Variants in TEX36 observed in about 807,000 individuals in gnomAD.
TEX36 encodes the protein testis expressed 36.
TEX36 carries 12 observed loss-of-function variants against 13.6 expected under a neutral mutation model. That is an observed-to-expected ratio of 0.88 (90% CI 0.56 to 1.43). The LOEUF (loss-of-function observed/expected upper bound fraction) is 1.43, where lower values mean the gene tolerates loss of function less well. TEX36 is among the 40% of genes most tolerant of loss of function. The pLI, the probability that TEX36 is intolerant of heterozygous loss-of-function variation, is 0.00. For synonymous variants in TEX36, 93 were observed against 83.0 expected, an observed-to-expected ratio of 1.12 and a Z score of -0.65; for missense variants, 224 against 228.3, an observed-to-expected ratio of 0.98 and a Z score of 0.12.
At chr10:125,627,703 G>A (rs964495208) in intron 3 of TEX36, among the ~76,000 whole-genome samples, 3 of 152,120 alleles carry the variant, frequency 2.0e-5, no homozygotes, top group Non-Finnish European at 4.4e-5. Flanking sequence ...TAATGCCATC[G>A]CATTGTACAA....
At position 125,640,497 on chromosome 10, in the gene TEX36, G is replaced by C. The variant is rs1004818963; in HGVS notation, c.265-18852C>G. On this transcript the variant is annotated intron_variant, in intron 3 of 3. Coordinates refer to the TEX36 transcript ENST00000526819. Reference sequence around the variant, plus strand: ...GGGTTGATTTGTTGTTTAATATTTGGGGGGATTATTTTGGTATAGCCATAA... The same window carrying C: ...GGGTTGATTTGTTGTTTAATATTTGCGGGGATTATTTTGGTATAGCCATAA... Among the ~76,000 whole-genome samples, 7 of 152,196 alleles carry C rather than the reference G, an allele frequency of 4.6e-5. No homozygotes were observed. The East Asian group carries it at 7.7e-4, about 17-fold the overall frequency.
At chr10:125,589,703 G>A (rs1486899087) in intron 3 of TEX36, among the ~76,000 whole-genome samples, 1 of 152,092 alleles carries the variant, frequency 6.6e-6, no homozygotes, top group African/African-American at 2.4e-5. Flanking sequence ...GCATTCCTGG[G>A]ATAGTGCAAG....
chr10:125,618,894 C>T (rs937267445), downstream of TEX36, among the ~76,000 whole-genome samples: 10 of 134,012 alleles, frequency 7.5e-5, no homozygotes, highest in African/African-American at 2.6e-4. Context: ...ATCACTAGGT[C>T]AGGAGATCGA....
intron 3 of TEX36, among the ~76,000 whole-genome samples, chr10:125,637,335 C>G (rs1377199716): frequency 6.6e-6 from 1 of 151,640 alleles, no homozygotes; most frequent in African/African-American, 2.4e-5. Flanking sequence ...TATAATTATG[C>G]AGTGTGTCTT....
intron 3 of TEX36, among the ~76,000 whole-genome samples, chr10:125,647,292 G>A (rs1303804345): frequency 6.6e-6 from 1 of 151,394 alleles, no homozygotes; most frequent in Non-Finnish European, 1.5e-5. Flanking sequence ...AAATCCTGAA[G>A]CCATTAAATA....
chr10:125,620,405 T>C (rs902402173), downstream of TEX36, among the ~76,000 whole-genome samples: 3 of 152,248 alleles, frequency 2.0e-5, no homozygotes, highest in Admixed American at 1.3e-4. Context: ...TAATTTATCT[T>C]TTGTGAGTTT....
At chr10:125,577,721 C>T (rs543681600) in intron 3 of TEX36, among the ~76,000 whole-genome samples, 13 of 152,158 alleles carry the variant, frequency 8.5e-5, no homozygotes, top group Non-Finnish European at 1.6e-4. Context: ...GCATCCTGCT[C>T]TTTTTACTTA....
Position 125,581,640 on chromosome 10 carries a change from G to A in TEX36, c.265-4766C>T, listed in dbSNP as rs115625386. Among the ~76,000 whole-genome samples the A allele has an allele frequency of 3.4e-3, 514 of 152,318 alleles. 3 individuals carry two copies. The highest frequency in any genetic ancestry group is 0.012 in the African/African-American group (490 of 41,562). ...TGTCTGTGGATTATCCCTAAAGCCA[G>A]TTCAGTCTCTGCCTTTTTCCCCCCT... is the stretch of plus-strand genomic sequence containing the variant. On this transcript the variant is annotated intron_variant, in intron 3 of 3. Transcript: ENST00000532135.
In TEX36 at chr10:125,641,017, T is replaced by TG. The variant is rs561372146; in HGVS notation, c.265-19373dup. Reference sequence around the variant, plus strand: ...AATATGGGACCAATTTTTCTGTAGGTGAAAAAAAAAATTTAATTGGGATGA... The same window carrying TG: ...AATATGGGACCAATTTTTCTGTAGGTGGAAAAAAAAAATTTAATTGGGATGA... On this transcript the variant is annotated intron_variant, in intron 3 of 3. Coordinates refer to the TEX36 transcript ENST00000526819. 2.1e-3 allele frequency among the ~76,000 whole-genome samples: 313 copies of TG among 149,792 alleles called. 2 individuals carry two copies. Among genetic ancestry groups the TG allele is most frequent in the African/African-American group, 7.2e-3 (291 of 40,614 alleles).
chr10:125,667,466 A>G, intron 1 of TEX36: 1 of 715,252 alleles, frequency 1.4e-6, no homozygotes, highest in Non-Finnish European at 2.6e-6. Context: ...CATGACGGCA[A>G]GGGCTGAGGG....
chr10:125,670,689 T>C (rs1847210722), intron 1 of TEX36, among the ~76,000 whole-genome samples: 1 of 152,358 alleles, frequency 6.6e-6, no homozygotes, highest in South Asian at 2.1e-4. Context: ...CTGAAGGGTA[T>C]TGCCTAAATT....
intron 1 of TEX36, among the ~76,000 whole-genome samples, chr10:125,668,896 C>T (rs919856919): frequency 2.6e-5 from 4 of 152,168 alleles, no homozygotes; most frequent in Admixed American, 6.5e-5. Context: ...CGGTGGCTCA[C>T]GCCTGTAATC....
intron 3 of TEX36, among the ~76,000 whole-genome samples, chr10:125,599,975 GT>G (rs1290665953): frequency 6.6e-6 from 1 of 152,178 alleles, no homozygotes; most frequent in African/African-American, 2.4e-5. Flanking sequence ...CCTGAGACAG[GT>G]GGGAATTGGA....
chr10:125,580,925 C>T (rs1333225930), intron 3 of TEX36, among the ~76,000 whole-genome samples: 1 of 152,186 alleles, frequency 6.6e-6, no homozygotes, highest in Non-Finnish European at 1.5e-5. Context: ...AGGACCTCAA[C>T]CCAGAGTGGC....
chr10:125,681,916 C>T (rs184196896), intron 1 of TEX36, among the ~76,000 whole-genome samples: 5 of 152,302 alleles, frequency 3.3e-5, no homozygotes, highest in Non-Finnish European at 7.4e-5. Flanking sequence ...GCTGCTTAGC[C>T]AAGGTTGTAT....
chr10:125,658,153 ATTATAT>A (rs1295207476), intron 3 of TEX36, among the ~76,000 whole-genome samples: 1 of 152,178 alleles, frequency 6.6e-6, no homozygotes, highest in African/African-American at 2.4e-5. Flanking sequence ...ACTCTGCTGC[ATTATAT>A]TTATAATAGA....
At chr10:125,602,198 A>G (rs957205244) in intron 3 of TEX36, among the ~76,000 whole-genome samples, 1 of 152,214 alleles carries the variant, frequency 6.6e-6, no homozygotes, top group Non-Finnish European at 1.5e-5. Context: ...GTGAGGCAGA[A>G]ACGCTGCCTG....
intron 3 of TEX36, among the ~76,000 whole-genome samples, chr10:125,641,811 G>C (rs1846697162): frequency 6.6e-6 from 1 of 152,168 alleles, no homozygotes; most frequent in Non-Finnish European, 1.5e-5. Flanking sequence ...ATCTATGCTA[G>C]AGTCCCCAGG....
chr10:125,637,562 C>CTTT (rs1846637114), intron 3 of TEX36, among the ~76,000 whole-genome samples: 1 of 152,192 alleles, frequency 6.6e-6, no homozygotes, highest in African/African-American at 2.4e-5. Flanking sequence ...GCACACATCT[C>CTTT]TTTGAGATCC....
Sources: allele counts gnomAD v4.1 joint callset (sites outside exome capture counted in the v4.1 genomes callset), GRCh38; gene constraint gnomAD v4.1.1; transcripts MANE v1.5; gene names NCBI Gene and HGNC (gene_info 2026-07-23, HGNC 2026-07-21).